Variants in MIPEP observed in about 807,000 individuals in gnomAD.
The protein encoded by MIPEP is mitochondrial intermediate peptidase.
MIPEP carries 79 observed loss-of-function variants against 90.3 expected under a neutral mutation model. The observed-to-expected ratio is 0.87, with a 90% CI of 0.73 to 1.05. MIPEP has a LOEUF of 1.05. Ranked by LOEUF, MIPEP falls within the 50% of genes least tolerant of loss-of-function variation. The pLI is 0.00. For missense variants in MIPEP, 940 were observed against 905.6 expected (o/e 1.04, Z -0.49); for synonymous variants, 334 against 315.8 (o/e 1.06, Z -0.61).
In MIPEP at chr13:23,834,508, T is replaced by G. The variant is rs563646338; in HGVS notation, c.1653+1732A>C. 3.3e-5 allele frequency among the ~76,000 whole-genome samples: 5 copies of G among 152,374 alleles called. No homozygotes were observed. In the East Asian group the frequency reaches 9.6e-4, roughly 29 times the overall value. On this transcript the variant is annotated intron_variant, in intron 14 of 18. Coordinates refer to ENST00000382172, the MANE Select transcript of MIPEP (RefSeq NM_005932.4). Reference sequence around the variant, plus strand: ...CGCGGGCAATGGGATGTTGCCTGACTTATTCTTGGCTGTTTCTTGGATGCT... The same window carrying G: ...CGCGGGCAATGGGATGTTGCCTGACGTATTCTTGGCTGTTTCTTGGATGCT...
intron 18 of MIPEP, among the ~76,000 whole-genome samples, chr13:23,741,781 A>G (rs1952331367): frequency 6.6e-6 from 1 of 152,042 alleles, no homozygotes; most frequent in African/African-American, 2.4e-5. Context: ...AAGTTTACCT[A>G]TATAACAAAC....
At chr13:23,812,581 G>A (rs1046777162) in intron 14 of MIPEP, among the ~76,000 whole-genome samples, 23 of 152,020 alleles carry the variant, frequency 1.5e-4, no homozygotes, top group African/African-American at 5.1e-4. Context: ...AGACCATGAC[G>A]GGATGGGCAG....
intron 14 of MIPEP, among the ~76,000 whole-genome samples, chr13:23,817,763 C>T (rs1953257722): frequency 6.6e-6 from 1 of 152,050 alleles, no homozygotes; most frequent in African/African-American, 2.4e-5. Flanking sequence ...AGGTATGCTG[C>T]CCCTTGATGG....
At chr13:23,819,742 C>T (rs1009096973) in intron 14 of MIPEP, among the ~76,000 whole-genome samples, 4 of 152,080 alleles carry the variant, frequency 2.6e-5, no homozygotes, top group African/African-American at 9.7e-5. Context: ...GACACGGTGG[C>T]TCATGCCTGT....
chr13:23,864,075 C>G (rs953260775), intron 8 of MIPEP, 66 bp downstream of exon 8: 4 of 920,292 alleles, frequency 4.3e-6, no homozygotes, highest in Admixed American at 2.9e-5. Context: ...TTTTATAAAT[C>G]AAGTCTTCTT....
At chr13:23,866,490 G>T (rs1440734527) in intron 7 of MIPEP, among the ~76,000 whole-genome samples, 1 of 152,162 alleles carries the variant, frequency 6.6e-6, no homozygotes, top group East Asian at 1.9e-4. Flanking sequence ...GCTACAGCCA[G>T]TGGTCATGCC....
At chr13:23,777,000 T>C (rs1952725543) in intron 16 of MIPEP, among the ~76,000 whole-genome samples, 1 of 152,174 alleles carries the variant, frequency 6.6e-6, no homozygotes, top group Admixed American at 6.5e-5. Context: ...TACTGCAGGT[T>C]TGCTCAAAAT....
At chr13:23,788,817 C>T (rs769664750) in intron 16 of MIPEP, among the ~76,000 whole-genome samples, 5 of 152,154 alleles carry the variant, frequency 3.3e-5, no homozygotes, top group Non-Finnish European at 5.9e-5. Flanking sequence ...ACATTATTGG[C>T]TTAAGGGATA....
At chr13:23,849,258 G>T (rs1281274068) in intron 10 of MIPEP, among the ~76,000 whole-genome samples, 1 of 152,210 alleles carries the variant, frequency 6.6e-6, no homozygotes, top group East Asian at 1.9e-4. Context: ...AAGACAGTGG[G>T]AAAGCACCAT....
At chr13:23,861,248 T>C (rs1445869701) in intron 9 of MIPEP, among the ~76,000 whole-genome samples, 1 of 152,178 alleles carries the variant, frequency 6.6e-6, no homozygotes, top group Non-Finnish European at 1.5e-5. Flanking sequence ...TATACAAATA[T>C]CTACAGATAA....
In MIPEP at chr13:23,733,702, G is replaced by A. The variant is rs151134733; in HGVS notation, c.2045-3257C>T. On this transcript the variant is annotated intron_variant, in intron 18 of 18. Transcript: ENST00000382172. ...ACACATACTTGAAAGCCCTTAACTA[G>A]ACCAGGGGTAGTTGAGAACAATACC... Among the ~76,000 whole-genome samples, 411 of 152,348 alleles carry A rather than the reference G, an allele frequency of 2.7e-3. 4 individuals are homozygous for A. The highest frequency in any genetic ancestry group is 8.4e-3 in the African/African-American group (351 of 41,578).
chr13:23,796,582 TAAAA>T, intron 16 of MIPEP, among the ~76,000 whole-genome samples: 1 of 143,764 alleles, frequency 7.0e-6, no homozygotes, highest in African/African-American at 2.5e-5. Context: ...TTGGGACTAC[TAAAA>T]AAAAAAAACA....
At chr13:23,779,190 A>T (rs1356983786) in intron 16 of MIPEP, among the ~76,000 whole-genome samples, 1 of 152,176 alleles carries the variant, frequency 6.6e-6, no homozygotes, top group Non-Finnish European at 1.5e-5. Context: ...AAGCCATTGA[A>T]TCAGCTGAGG....
intron 3 of MIPEP, among the ~76,000 whole-genome samples, chr13:23,880,711 G>A (rs1402117300): frequency 2.6e-5 from 4 of 152,162 alleles, no homozygotes; most frequent in Non-Finnish European, 5.9e-5. Flanking sequence ...GTCCCATTAC[G>A]CAAGTTGGTT....
chr13:23,781,002 A>G (rs1328095116), intron 16 of MIPEP, among the ~76,000 whole-genome samples: 1 of 152,216 alleles, frequency 6.6e-6, no homozygotes, highest in Non-Finnish European at 1.5e-5. Context: ...AGTGACGGGG[A>G]GAATGGAACC....
intron 18 of MIPEP, among the ~76,000 whole-genome samples, chr13:23,734,667 C>T (rs1432001288): frequency 4.6e-5 from 7 of 152,100 alleles, no homozygotes; most frequent in African/African-American, 2.4e-5. Flanking sequence ...CACATGGACA[C>T]GTCAGTCTTC....
chr13:23,784,907 A>G (rs1288796913), intron 16 of MIPEP, among the ~76,000 whole-genome samples: 3 of 152,228 alleles, frequency 2.0e-5, no homozygotes, highest in Non-Finnish European at 4.4e-5. Context: ...ATCACTGGCC[A>G]TCAGAGAAAT....
At chr13:23,778,615 T>A (rs772668115) in intron 16 of MIPEP, among the ~76,000 whole-genome samples, 3 of 152,206 alleles carry the variant, frequency 2.0e-5, no homozygotes, top group Non-Finnish European at 2.9e-5. Flanking sequence ...ACACATCCTA[T>A]GTGCAACTGA....
At chr13:23,872,008 A>G (rs1870831009) in intron 5 of MIPEP, among the ~76,000 whole-genome samples, 4 of 152,260 alleles carry the variant, frequency 2.6e-5, no homozygotes, top group African/African-American at 9.6e-5. Flanking sequence ...GCCAACTTCA[A>G]TGATCTGCCA....
Sources: gnomAD v4.1 joint callset for allele counts (sites outside exome capture counted in the v4.1 genomes callset) on GRCh38, gnomAD v4.1.1 for gene constraint, MANE v1.5 for transcripts, NCBI Gene and HGNC (gene_info 2026-07-23, HGNC 2026-07-21) for gene names.